The following NR2F1-AS1 variants were observed in gnomAD, a reference collection of about 807,000 sequenced individuals.
The protein encoded by NR2F1-AS1 is NR2F1 regulatory antisense RNA 1, also known as NR2F1 antisense RNA 1.
intron 2 of NR2F1-AS1, among the ~76,000 whole-genome samples, chr5:93,561,012 G>A (rs1442595104): frequency 3.3e-5 from 5 of 152,150 alleles, no homozygotes; most frequent in East Asian, 1.9e-4. Flanking sequence ...GGTGGCTCAC[G>A]CCTGTAATCC....
chr5:93,486,214 GTAAC>G (rs1378736572), intron 4 of NR2F1-AS1, among the ~76,000 whole-genome samples: 2 of 149,958 alleles, frequency 1.3e-5, no homozygotes, highest in Non-Finnish European at 3.0e-5. Flanking sequence ...GTATACATAT[GTAAC>G]TAACCTGCAC....
chr5:93,574,845 CTTAAT>C (rs746073121), intron 1 of NR2F1-AS1, among the ~76,000 whole-genome samples: 3 of 152,160 alleles, frequency 2.0e-5, no homozygotes, highest in Non-Finnish European at 4.4e-5. Flanking sequence ...GATTCTTCTA[CTTAAT>C]TTAATCTTTA....
chr5:93,491,872 TG>T (rs1346559072), intron 4 of NR2F1-AS1, among the ~76,000 whole-genome samples: 1 of 152,192 alleles, frequency 6.6e-6, no homozygotes, highest in Non-Finnish European at 1.5e-5. Context: ...TTGACTGAAT[TG>T]TACCACGGGC....
chr5:93,581,276 C>A (rs1175296981), upstream of NR2F1-AS1: 1 of 152,454 alleles, frequency 6.6e-6, no homozygotes, highest in Admixed American at 6.5e-5. Context: ...CTCCCACCCC[C>A]GGCGGCGGCA....
At chr5:93,443,426 T>C (rs1296752249) in intron 4 of NR2F1-AS1, among the ~76,000 whole-genome samples, 2 of 152,120 alleles carry the variant, frequency 1.3e-5, no homozygotes, top group African/African-American at 4.8e-5. Flanking sequence ...AGCCGATTCG[T>C]TCAAGTGGAA....
intron 4 of NR2F1-AS1, among the ~76,000 whole-genome samples, chr5:93,526,725 A>C (rs1751625656): frequency 6.6e-6 from 1 of 152,190 alleles, no homozygotes. Flanking sequence ...ACATCACATA[A>C]ACAGATCTGA....
At chr5:93,535,066 A>G (rs1751811930) in intron 4 of NR2F1-AS1, among the ~76,000 whole-genome samples, 2 of 152,180 alleles carry the variant, frequency 1.3e-5, no homozygotes, top group South Asian at 4.1e-4. Context: ...TGCAAAGCAG[A>G]AAGTATGTTA....
At chr5:93,450,883 C>A (rs142665150) in intron 4 of NR2F1-AS1, among the ~76,000 whole-genome samples, 2 of 137,448 alleles carry the variant, frequency 1.5e-5, no homozygotes, top group East Asian at 2.2e-4. Context: ...CCACTGCATT[C>A]TCTCCTGGGC....
At chr5:93,485,686 A>G (rs908000074) in intron 4 of NR2F1-AS1, among the ~76,000 whole-genome samples, 1 of 152,236 alleles carries the variant, frequency 6.6e-6, no homozygotes, top group Non-Finnish European at 1.5e-5. Context: ...TAGTTCAAAC[A>G]TTGTGGAAGT....
At chr5:93,470,215 C>T (rs1378840036) in intron 4 of NR2F1-AS1, among the ~76,000 whole-genome samples, 1 of 151,892 alleles carries the variant, frequency 6.6e-6, no homozygotes, top group Non-Finnish European at 1.5e-5. Flanking sequence ...ACCTAATATA[C>T]TTAGAAATTA....
rs538847558 is a variant in NR2F1-AS1, at chr5:93,491,256, G to A, written n.638+62505C>T. ...TGTAGTTATGGTGGTAGTGGTGGTC[G>A]TGGTGGTGGTGGTGGTCATGGTGGT... On this transcript the variant is annotated intron_variant and non_coding_transcript_variant, in intron 4 of 5. Transcript: ENST00000660523. Among the ~76,000 whole-genome samples, 5 of 150,970 alleles carry A rather than the reference G, an allele frequency of 3.3e-5. No individual in the cohort carries two copies. The South Asian group carries it at 8.4e-4, about 25-fold the overall frequency.
At chr5:93,574,635 T>C (rs1391908171) in intron 1 of NR2F1-AS1, among the ~76,000 whole-genome samples, 1 of 152,212 alleles carries the variant, frequency 6.6e-6, no homozygotes, top group Admixed American at 6.5e-5. Context: ...ACTCTGAGTT[T>C]AAAGCCACTT....
chr5:93,520,768 T>C (rs1003448702), intron 4 of NR2F1-AS1, among the ~76,000 whole-genome samples: 1 of 152,046 alleles, frequency 6.6e-6, no homozygotes, highest in Non-Finnish European at 1.5e-5. Context: ...CAGAATAATA[T>C]AGTACTCCCC....
chr5:93,486,268 AT>A (rs1750714500), intron 4 of NR2F1-AS1, among the ~76,000 whole-genome samples: 1 of 151,650 alleles, frequency 6.6e-6, no homozygotes, highest in African/African-American at 2.4e-5. Context: ...TATAATAATA[AT>A]AAATTAATTA....
chr5:93,486,866 G>A (rs907775530), intron 4 of NR2F1-AS1, among the ~76,000 whole-genome samples: 1 of 152,090 alleles, frequency 6.6e-6, no homozygotes, highest in South Asian at 2.1e-4. Flanking sequence ...ATGGCAAACC[G>A]AATCTAGCAG....
At chr5:93,544,269 G>A (rs1752024608) in intron 4 of NR2F1-AS1, among the ~76,000 whole-genome samples, 1 of 152,088 alleles carries the variant, frequency 6.6e-6, no homozygotes, top group Admixed American at 6.6e-5. Context: ...TGAGCTCACA[G>A]GCAGCCAAGA....
At chr5:93,450,914 CAAAA>C (rs60895927) in intron 4 of NR2F1-AS1, among the ~76,000 whole-genome samples, 12,223 of 52,924 alleles carry the variant, frequency 0.23, 505 homozygotes, top group African/African-American at 0.34. Context: ...GAATCTGCTT[CAAAA>C]AAAAAAAAAA....
At chr5:93,533,621 T>C (rs1020745931) in intron 4 of NR2F1-AS1, among the ~76,000 whole-genome samples, 1 of 152,156 alleles carries the variant, frequency 6.6e-6, no homozygotes, top group African/African-American at 2.4e-5. Flanking sequence ...ATGATGATGA[T>C]AGGTAACATT....
intron 4 of NR2F1-AS1, chr5:93,438,834 T>C (rs889337968): frequency 1.3e-5 from 2 of 152,240 alleles, no homozygotes; most frequent in Non-Finnish European, 2.9e-5. Flanking sequence ...AGCTGGGTGC[T>C]ATGGCCTAGA....
Sources: gnomAD v4.1 joint callset for allele counts (sites outside exome capture counted in the v4.1 genomes callset) on GRCh38, gnomAD v4.1.1 for gene constraint, MANE v1.5 for transcripts, NCBI Gene and HGNC (gene_info 2026-07-23, HGNC 2026-07-21) for gene names.